Variants in PPP1R3A observed in about 807,000 individuals in gnomAD.
PPP1R3A encodes protein phosphatase 1 regulatory subunit 3A, also known as RG1.
In PPP1R3A, 29 loss-of-function variants were observed where a neutral mutation model predicts 41.7. That is an observed-to-expected ratio of 0.70 (90% CI 0.52 to 0.95). The LOEUF (loss-of-function observed/expected upper bound fraction) is 0.95, where lower values mean the gene tolerates loss of function less well. PPP1R3A is among the 40% of genes least tolerant of loss of function. The pLI is 0.00. For missense variants in PPP1R3A, 1,352 were observed against 1,292.4 expected (o/e 1.05, Z -0.71); for synonymous variants, 485 against 453.4 (o/e 1.07, Z -0.89).
Position 113,889,326 on chromosome 7 carries a change from A to G in PPP1R3A, c.783-7006T>C, listed in dbSNP as rs372871462. 3.4e-4 allele frequency among the ~76,000 whole-genome samples: 52 copies of G among 152,290 alleles called. No individual in the cohort carries two copies. The South Asian group carries it at 8.7e-3, about 25-fold the overall frequency. On this transcript the variant is annotated intron_variant, in intron 1 of 3. Transcript: ENST00000284601. ...TGCTACTATTTACATAACTCTTAAG[A>G]TATCAAGAAATAAAGAATTATGCAG... is the stretch of plus-strand genomic sequence containing the variant.
chr7:113,900,190 C>A (rs1482570113), intron 1 of PPP1R3A, among the ~76,000 whole-genome samples: 1 of 151,526 alleles, frequency 6.6e-6, no homozygotes, highest in East Asian at 1.9e-4. Context: ...CTTGGGCTAG[C>A]AAAATGTTTT....
At position 113,918,901 on chromosome 7, in the gene PPP1R3A, A is replaced by G; in HGVS notation, c.96T>C (p.Thr32=). The change falls in exon 1 of 4, where the codon ACT becomes ACC. Residue 32 remains threonine (T), a synonymous_variant. Transcript: ENST00000284601. The part of the protein sequence containing the change: ...SDSLCEDEEV[T]FQPGFSPQPS... ...GTTGAGGGGAGAAACCAGGTTGGAA[A>G]GTAACTTCTTCATCTTCACAAAGAG... is the stretch of plus-strand genomic sequence containing the variant. 2.5e-6 allele frequency: 4 copies of G among 1,613,352 alleles called. No homozygotes were observed. The highest frequency in any genetic ancestry group is 2.5e-6 in the Non-Finnish European group (3 of 1,179,510).
chr7:113,909,293 T>G (rs367909120), intron 1 of PPP1R3A, among the ~76,000 whole-genome samples: 1 of 152,026 alleles, frequency 6.6e-6, no homozygotes, highest in African/African-American at 2.4e-5. Flanking sequence ...GTCCACAGTT[T>G]TCAAGAATTC....
In PPP1R3A at chr7:113,879,891, TAC is replaced by T. The variant is rs974239760; in HGVS notation, c.1199_1200del (p.Cys400TyrfsTer23). The T allele has an allele frequency of 6.2e-7, 1 of 1,613,592 alleles. No homozygotes were observed. The highest frequency in any genetic ancestry group is 1.3e-5 in the African/African-American group (1 of 74,974). On this transcript the variant is annotated frameshift_variant, in exon 4 of 4. Coordinates refer to ENST00000284601, the MANE Select transcript of PPP1R3A (RefSeq NM_002711.4). LOFTEE classifies it low-confidence loss of function (END_TRUNC). ...CNEKYSSGDDCTHQPSEETTS... is the reference protein window; with the variant it reads ...CNEKYSSGDDXTHQPSEETTS... ...GTAGTTTCCTCTGAAGGTTGATGTG[TAC>T]AGTCATCTCCTGAGGAATATTTTTC...
chr7:113,898,351 AGGCCTCCTGG>A (rs1016886014), intron 1 of PPP1R3A, among the ~76,000 whole-genome samples: 13 of 151,936 alleles, frequency 8.6e-5, no homozygotes, highest in African/African-American at 3.1e-4. Context: ...TGGCCAGGGA[AGGCCTCCTGG>A]CAGAGGGAGC....
chr7:113,899,494 T>C (rs1257539305), intron 1 of PPP1R3A, among the ~76,000 whole-genome samples: 2 of 151,872 alleles, frequency 1.3e-5, no homozygotes, highest in Non-Finnish European at 2.9e-5. Flanking sequence ...TGCTTAAAAA[T>C]ACTTCATGCC....
chr7:113,916,001 T>G (rs574484658), intron 1 of PPP1R3A, among the ~76,000 whole-genome samples: 1 of 152,070 alleles, frequency 6.6e-6, no homozygotes, highest in Non-Finnish European at 1.5e-5. Flanking sequence ...TTATGGCACA[T>G]GCTGTTCTAA....
At chr7:113,884,121 A>G (rs1248015898) in intron 1 of PPP1R3A, among the ~76,000 whole-genome samples, 5 of 152,044 alleles carry the variant, frequency 3.3e-5, no homozygotes, top group East Asian at 1.9e-4. Flanking sequence ...ATAAAATTAT[A>G]TCAAAGAATG....
chr7:113,902,434 C>G (rs985957233), intron 1 of PPP1R3A, among the ~76,000 whole-genome samples: 1 of 151,882 alleles, frequency 6.6e-6, no homozygotes, highest in Non-Finnish European at 1.5e-5. Context: ...TAATTGTACA[C>G]TACATCTCCA....
At chr7:113,907,895 G>A (rs1032446655) in intron 1 of PPP1R3A, among the ~76,000 whole-genome samples, 3 of 151,760 alleles carry the variant, frequency 2.0e-5, no homozygotes, top group East Asian at 1.9e-4. Flanking sequence ...TTTGCTAGGT[G>A]TTAATTTCTT....
intron 1 of PPP1R3A, among the ~76,000 whole-genome samples, chr7:113,884,068 T>A (rs1796740553): frequency 6.6e-6 from 1 of 151,842 alleles, no homozygotes; most frequent in Admixed American, 6.6e-5. Flanking sequence ...GAAATATCTA[T>A]AAACAAAAAC....
chr7:113,890,151 A>G (rs1022951676), intron 1 of PPP1R3A, among the ~76,000 whole-genome samples: 2 of 152,192 alleles, frequency 1.3e-5, no homozygotes, highest in African/African-American at 2.4e-5. Flanking sequence ...GAAAGACTAA[A>G]AGCCCAGGGC....
intron 1 of PPP1R3A, among the ~76,000 whole-genome samples, chr7:113,882,969 T>C (rs1796719839): frequency 6.6e-6 from 1 of 152,208 alleles, no homozygotes; most frequent in Middle Eastern, 3.4e-3. Context: ...ATCATTTATA[T>C]GCAAGCATAT....
rs1287825839 is a variant in PPP1R3A at position 113,909,117 on chromosome 7, AC to A, written c.782+9097del. Among the ~76,000 whole-genome samples the A allele has an allele frequency of 2.0e-5, 3 of 152,038 alleles. No homozygotes were observed. The East Asian group carries it at 5.8e-4, about 30-fold the overall frequency. ...ACCCATGTAACAAACCTGCACATGG[AC>A]CCCTTGAATCTAAAATAAAATAAAA... On this transcript the variant is annotated intron_variant, in intron 1 of 3. Coordinates refer to ENST00000284601, the MANE Select transcript of PPP1R3A (RefSeq NM_002711.4).
chr7:113,911,750 A>T (rs1797255526), intron 1 of PPP1R3A, among the ~76,000 whole-genome samples: 1 of 152,200 alleles, frequency 6.6e-6, no homozygotes, highest in South Asian at 2.1e-4. Context: ...AACATGATTA[A>T]TTTTGAAACT....
intron 1 of PPP1R3A, among the ~76,000 whole-genome samples, chr7:113,907,591 AT>A (rs919780825): frequency 6.6e-6 from 1 of 151,794 alleles, no homozygotes; most frequent in Non-Finnish European, 1.5e-5. Flanking sequence ...TAGTTTCATA[AT>A]TGTTTTTTTA....
In PPP1R3A at chr7:113,878,441, T is replaced by A. The variant is rs758248996; in HGVS notation, c.2651A>T (p.Gln884Leu). The change falls in exon 4 of 4, where the codon CAG becomes CTG. Residue 884 changes from glutamine to leucine, a missense_variant. Physicochemically the swap from Gln to Leu is moderately radical, Grantham distance 113. Transcript: ENST00000284601. ...TGTTTTCTTTGATAATTCTTGAACC[T>A]GCCTAAGATCTCTGTTTTCTGAAAA... is the stretch of plus-strand genomic sequence containing the variant. ...TVFSENRDLR[Q>L]VQELSKKTDS... 1.2e-6 allele frequency: 2 copies of A among 1,612,310 alleles called. No individual in the cohort carries two copies. The highest frequency in any genetic ancestry group is 1.7e-6 in the Non-Finnish European group (2 of 1,179,668).
In PPP1R3A at chr7:113,879,628, A is replaced by G. The variant is rs1796647791; in HGVS notation, c.1464T>C (p.Asp488=). The change falls in exon 4 of 4, where the codon GAT becomes GAC. Residue 488 remains aspartate, a synonymous_variant. Coordinates refer to ENST00000284601, the MANE Select transcript of PPP1R3A (RefSeq NM_002711.4). ...EVKDLGCLRR[D]FHSDTSACLK... ...GACATGCCGACGTATCTGAATGGAA[A>G]TCTCTTCGTAAACATCCCAAATCTT... is the stretch of plus-strand genomic sequence containing the variant. 1 of 1,613,192 alleles carries G rather than the reference A, an allele frequency of 6.2e-7. No homozygotes were observed. Among genetic ancestry groups the G allele is most frequent in the East Asian group, 2.2e-5 (1 of 44,822 alleles).
chr7:113,893,629 C>T (rs1300036357), intron 1 of PPP1R3A, among the ~76,000 whole-genome samples: 1 of 151,902 alleles, frequency 6.6e-6, no homozygotes, highest in Non-Finnish European at 1.5e-5. Context: ...ACCACAAGTC[C>T]ATTGGGGAAA....
Sources: allele counts gnomAD v4.1 joint callset (sites outside exome capture counted in the v4.1 genomes callset), GRCh38; gene constraint gnomAD v4.1.1; transcripts MANE v1.5; gene names NCBI Gene and HGNC (gene_info 2026-07-23, HGNC 2026-07-21).